Variants in KSR2 observed in about 807,000 individuals in gnomAD.
KSR2 encodes kinase suppressor of ras 2.
A neutral mutation model predicts 107.8 loss-of-function variants in KSR2; 25 were observed. The ratio of observed to expected loss-of-function variants is 0.23; its 90% CI spans 0.17 to 0.32. The LOEUF (loss-of-function observed/expected upper bound fraction) is 0.32. Among genes scored for constraint, KSR2 ranks in the 10% least tolerant of loss-of-function variants. The pLI is 1.00. For missense variants in KSR2, 887 were observed against 1,268.9 expected, an observed-to-expected ratio of 0.70 and a Z score of 4.57; for synonymous variants, 480 against 507.0, an observed-to-expected ratio of 0.95 and a Z score of 0.71.
chr12:117,518,678 A>T (rs777963797), intron 14 of KSR2, among the ~76,000 whole-genome samples: 14 of 152,166 alleles, frequency 9.2e-5, no homozygotes, highest in Admixed American at 5.9e-4. Flanking sequence ...TAAACACTAC[A>T]TTCCTTTCTA....
At chr12:117,629,983 C>T (rs1882728550) in intron 5 of KSR2, among the ~76,000 whole-genome samples, 1 of 152,186 alleles carries the variant, frequency 6.6e-6, no homozygotes, top group African/African-American at 2.4e-5. Flanking sequence ...AAGGATGCTG[C>T]CATCTGCTTT....
At chr12:117,726,201 T>C (rs1371059225) in intron 4 of KSR2, among the ~76,000 whole-genome samples, 3 of 151,992 alleles carry the variant, frequency 2.0e-5, no homozygotes, top group Non-Finnish European at 4.4e-5. Flanking sequence ...AATAAAAATT[T>C]TTTTAAAAAG....
intron 1 of KSR2, among the ~76,000 whole-genome samples, chr12:117,906,016 G>A (rs1469762619): frequency 1.3e-5 from 2 of 151,816 alleles, no homozygotes; most frequent in African/African-American, 4.8e-5. Context: ...GCCAGGCACT[G>A]TTCCAGGTGC....
At chr12:117,572,888 G>T (rs758913729) in intron 7 of KSR2, among the ~76,000 whole-genome samples, 49 of 152,162 alleles carry the variant, frequency 3.2e-4, no homozygotes, top group Admixed American at 1.3e-4. Context: ...TGAGAAGGGG[G>T]AAGAATGCAG....
intron 5 of KSR2, among the ~76,000 whole-genome samples, chr12:117,629,396 C>G (rs1460614176): frequency 6.6e-6 from 1 of 151,772 alleles, no homozygotes; most frequent in African/African-American, 2.4e-5. Flanking sequence ...TCATACATTA[C>G]AGAAAAAAAA....
chr12:117,639,709 C>T (rs560105191), intron 5 of KSR2, among the ~76,000 whole-genome samples: 70 of 151,236 alleles, frequency 4.6e-4, no homozygotes, highest in African/African-American at 1.5e-3. Flanking sequence ...AAACTCAAAA[C>T]AATACTTGAG....
At chr12:117,595,457 C>T (rs972175404) in intron 5 of KSR2, among the ~76,000 whole-genome samples, 4 of 149,416 alleles carry the variant, frequency 2.7e-5, no homozygotes, top group African/African-American at 7.4e-5. Flanking sequence ...CTCCGCTTCC[C>T]GGGTTCACGC....
chr12:117,947,889 G>A (rs971138223), intron 1 of KSR2, among the ~76,000 whole-genome samples: 1 of 152,006 alleles, frequency 6.6e-6, no homozygotes, highest in African/African-American at 2.4e-5. Context: ...AATAAATGGA[G>A]AGACATACCA....
intron 1 of KSR2, among the ~76,000 whole-genome samples, chr12:117,959,958 G>C (rs896203962): frequency 3.3e-5 from 5 of 150,956 alleles, no homozygotes; most frequent in Admixed American, 6.6e-5. Context: ...AAAACTTCAA[G>C]TACCTTAGCG....
At chr12:117,798,846 A>G (rs1353432066) in intron 3 of KSR2, among the ~76,000 whole-genome samples, 6 of 152,264 alleles carry the variant, frequency 3.9e-5, no homozygotes, top group Admixed American at 2.6e-4. Flanking sequence ...GTGTCCATCA[A>G]TGAAAATATG....
intron 14 of KSR2, among the ~76,000 whole-genome samples, chr12:117,494,158 C>A (rs1346299982): frequency 6.6e-6 from 1 of 152,130 alleles, no homozygotes; most frequent in African/African-American, 2.4e-5. Context: ...TTCCAGTATT[C>A]CAGGGAGTGA....
chr12:117,826,489 G>GA (rs1310631841), intron 3 of KSR2, among the ~76,000 whole-genome samples: 1 of 125,294 alleles, frequency 8.0e-6, no homozygotes, highest in East Asian at 2.3e-4. Context: ...TGAAGACTAA[G>GA]GGGAAAAAAC....
At chr12:117,959,244 T>C (rs1028182630) in intron 1 of KSR2, among the ~76,000 whole-genome samples, 6 of 152,212 alleles carry the variant, frequency 3.9e-5, no homozygotes. Flanking sequence ...AGCTGTCTAC[T>C]TGACAAATGT....
intron 14 of KSR2, among the ~76,000 whole-genome samples, chr12:117,488,407 T>C (rs971779294): frequency 6.6e-6 from 1 of 152,168 alleles, no homozygotes. Context: ...CAACCTGCAA[T>C]GGATTGAATG....
intron 15 of KSR2, 123 bp downstream of exon 15, chr12:117,485,472 T>G (rs1160982054): frequency 1.5e-6 from 1 of 685,836 alleles, no homozygotes; most frequent in African/African-American, 1.8e-5. Flanking sequence ...TAATTTCTTT[T>G]AAGTCCAGAT....
At chr12:117,841,282 T>TC (rs1476099264) in intron 3 of KSR2, among the ~76,000 whole-genome samples, 1 of 152,090 alleles carries the variant, frequency 6.6e-6, no homozygotes, top group Non-Finnish European at 1.5e-5. Context: ...CTTTCTGCCT[T>TC]CCCCCTGCAT....
At chr12:117,877,007 T>C (rs1470920118) in intron 1 of KSR2, among the ~76,000 whole-genome samples, 4 of 152,178 alleles carry the variant, frequency 2.6e-5, no homozygotes, top group South Asian at 2.1e-4. Context: ...TTTTAGTGTG[T>C]TGCATTAAAC....
chr12:117,904,211 G>A (rs911907584), intron 1 of KSR2, among the ~76,000 whole-genome samples: 1 of 152,266 alleles, frequency 6.6e-6, no homozygotes, highest in African/African-American at 2.4e-5. Flanking sequence ...TGATCATCGG[G>A]CCTCTTAATC....
chr12:117,534,608 G>C (rs1018568277), intron 10 of KSR2, among the ~76,000 whole-genome samples: 1 of 151,836 alleles, frequency 6.6e-6, no homozygotes, highest in Non-Finnish European at 1.5e-5. Flanking sequence ...GGCTGTTGTC[G>C]GCAGAATAAT....
Sources: allele counts gnomAD v4.1 joint callset (sites outside exome capture counted in the v4.1 genomes callset), GRCh38; gene constraint gnomAD v4.1.1; transcripts MANE v1.5; gene names NCBI Gene and HGNC (gene_info 2026-07-23, HGNC 2026-07-21).